Variants in NME9 observed in about 807,000 individuals in gnomAD.
The protein encoded by NME9 is thioredoxin domain-containing protein 6.
Under a neutral mutation model 44.4 loss-of-function variants are expected in NME9, and 48 were observed. The observed-to-expected ratio is 1.08, with a 90% CI of 0.86 to 1.37. NME9 has a LOEUF of 1.37. Among genes scored for constraint, NME9 ranks in the 40% most tolerant of loss-of-function variants. The pLI, the probability that NME9 is intolerant of heterozygous loss-of-function variation, is 0.00. For missense variants in NME9, 325 were observed against 405.2 expected (o/e 0.80, Z 1.70); for synonymous variants, 139 against 147.1 (o/e 0.94, Z 0.40).
chr3:138,296,182 A>G (rs1225697019), downstream of NME9: 4 of 327,130 alleles, frequency 1.2e-5, no homozygotes, highest in Admixed American at 5.0e-5. Flanking sequence ...ATTTTTGCCT[A>G]TGCTGCAGCC....
chr3:138,279,080 T>C (rs1177687401), intron 8 of NME9, among the ~76,000 whole-genome samples: 4 of 152,220 alleles, frequency 2.6e-5, no homozygotes, highest in Non-Finnish European at 5.9e-5. Flanking sequence ...GATGAACATA[T>C]TTGTTTTGTT....
rs897849350 is a variant in NME9, at chr3:138,304,967, T to C, written c.697A>G (p.Thr233Ala). Residue 233 changes from threonine (T) to alanine (A), a missense_variant, in exon 9 of 11, where the codon ACC (threonine) becomes GCC (alanine). By Grantham distance (58) the Thr-to-Ala change is moderately conservative (BLOSUM62 0). Coordinates refer to ENST00000333911, the MANE Select transcript of NME9 (RefSeq NM_001349018.2). ...CSGPSHLLILTRTEGFEDVVT... is the reference protein window; with the variant it reads ...CSGPSHLLILARTEGFEDVVT... ...ACGTCCTCGAAGCCCTCAGTCCTGG[T>C]GAGGATCAGGAGGTGGCTTGGTCCA... 17 of 1,613,982 alleles carry C rather than the reference T, an allele frequency of 1.1e-5. No homozygotes were observed. Among genetic ancestry groups the C allele is most frequent in the African/African-American group, 1.3e-5 (1 of 74,922 alleles).
rs1225069065 is a variant in NME9, at chr3:138,301,651, C to T, written c.982G>A (p.Asp328Asn). ...GCAGCACAGCCATCTCAATCCACAT[C>T]CTCAGGAAAGCAAAGCGCCTCAGTG... ...GPTEALCFPE[D>N]VD Residue 328 changes from aspartate (D) to asparagine (N), a missense_variant, in exon 11 of 11, where the codon GAT becomes AAT. Coordinates refer to ENST00000333911, the MANE Select transcript of NME9 (RefSeq NM_001349018.2). The T allele has an allele frequency of 5.9e-6, 9 of 1,536,142 alleles. No homozygotes were observed. Among genetic ancestry groups the T allele is most frequent in the South Asian group, 3.6e-5 (3 of 84,064 alleles).
At chr3:138,264,412 CTTTTTTTTTTTT>C (rs11298899) in intron 8 of NME9, among the ~76,000 whole-genome samples, 8 of 48,630 alleles carry the variant, frequency 1.6e-4, no homozygotes, top group South Asian at 1.2e-3. Flanking sequence ...GATTTTCTTT[CTTTTTTTTTTTT>C]TTTTTTTTTT....
intron 8 of NME9, among the ~76,000 whole-genome samples, chr3:138,279,791 A>ATG (rs1330871360): frequency 6.6e-6 from 1 of 152,082 alleles, no homozygotes; most frequent in Non-Finnish European, 1.5e-5. Flanking sequence ...GAATTTGTTC[A>ATG]TTTCATCTAA....
chr3:138,279,936 G>T (rs573175866), intron 8 of NME9, among the ~76,000 whole-genome samples: 1 of 151,032 alleles, frequency 6.6e-6, no homozygotes, highest in Non-Finnish European at 1.5e-5. Flanking sequence ...ACAGAGTCTC[G>T]CTGTGTCACC....
Position 138,302,425 on chromosome 3 carries a change from C to T in NME9, c.929-721G>A, listed in dbSNP as rs1395286048. On this transcript the variant is annotated intron_variant, in intron 10 of 10. Coordinates refer to ENST00000333911, the MANE Select transcript of NME9 (RefSeq NM_001349018.2). ...TACAGCCATTTGCTTCCAATCACCACCCCCCATTCCCAAAAGCTTGAAGGT... is the reference window on the plus strand; with the variant it reads ...TACAGCCATTTGCTTCCAATCACCATCCCCCATTCCCAAAAGCTTGAAGGT... 2.6e-5 allele frequency among the ~76,000 whole-genome samples: 4 copies of T among 152,142 alleles called. No homozygotes were observed. The East Asian group carries it at 7.7e-4, about 29-fold the overall frequency.
intron 8 of NME9, chr3:138,287,483 T>A (rs1462230079): frequency 5.5e-6 from 2 of 363,418 alleles, no homozygotes; most frequent in Non-Finnish European, 1.1e-5. Context: ...TCATAGTAAT[T>A]TGTGTCCTTA....
downstream of NME9, chr3:138,296,228 A>C (rs955585521): frequency 4.2e-5 from 10 of 237,166 alleles, no homozygotes; most frequent in Admixed American, 1.7e-4. Flanking sequence ...CTGTGTGAAC[A>C]CACAGGCATG....
Position 138,273,499 on chromosome 3 carries a change from C to G in NME9, c.746-10913G>C, listed in dbSNP as rs540329113. 3.9e-5 allele frequency among the ~76,000 whole-genome samples: 6 copies of G among 152,306 alleles called. No homozygotes were observed. The South Asian group carries it at 1.2e-3, about 32-fold the overall frequency. The stretch of plus-strand genomic sequence containing the variant: ...TGCTTCTTTCCCTTTAGAGAATTCT[C>G]AGAGCCATTCCATAGACCATCTCCC... On this transcript the variant is annotated intron_variant, in intron 8 of 8. Transcript: ENST00000317876.
rs762048275 is a variant in NME9 at position 138,329,397 on chromosome 3, C to G, written c.-62G>C. On this transcript the variant is annotated 5_prime_UTR_variant, in exon 1 of 11. Coordinates refer to ENST00000333911, the MANE Select transcript of NME9 (RefSeq NM_001349018.2). Reference sequence around the variant, plus strand: ...CGTGGGCCGTTCCCCCGCAGCCTCGCGACAAACCGCTGCGTGGATCAGCAA... The same window carrying G: ...CGTGGGCCGTTCCCCCGCAGCCTCGGGACAAACCGCTGCGTGGATCAGCAA... 239 of 1,535,172 alleles carry G rather than the reference C, an allele frequency of 1.6e-4. No individual in the cohort carries two copies. The highest frequency in any genetic ancestry group is 3.3e-4 in the Admixed American group (17 of 50,892).
At position 138,324,894 on chromosome 3, in the gene NME9, G is replaced by A; in HGVS notation, c.70C>T (p.Leu24Phe). Residue 24 changes from leucine (L) to phenylalanine (F), a missense_variant, in exon 2 of 11, where the codon CTC becomes TTC. Leu to Phe is a conservative substitution (Grantham distance 22). Transcript: ENST00000333911. ...TTACCAGTTAGTCCTTTGGAACTGA[G>A]CATTTCCTCCCAAAGCTCTTGGGTG... ...ISTQELWEEM[L>F]SSKGLTVVDV... 1 of 1,613,550 alleles carries A rather than the reference G, an allele frequency of 6.2e-7. No individual in the cohort carries two copies. The highest frequency in any genetic ancestry group is 1.3e-5 in the African/African-American group (1 of 75,026).
chr3:138,277,063 G>C (rs1443212032), intron 8 of NME9, among the ~76,000 whole-genome samples: 5 of 152,092 alleles, frequency 3.3e-5, no homozygotes, highest in African/African-American at 1.2e-4. Flanking sequence ...TATGGTCTTA[G>C]CAAAAAAAGA....
rs569787242 is a variant in NME9, at chr3:138,307,700, A to AT, written c.461-1221_461-1220insA. On this transcript the variant is annotated intron_variant, in intron 6 of 10. Coordinates refer to ENST00000333911, the MANE Select transcript of NME9 (RefSeq NM_001349018.2). ...GAGGAAGAAGAAAAGAGACCAAAGC[A>AT]GGGGCCTGGGGTGCTCCAGGTTAAA... Among the ~76,000 whole-genome samples the AT allele has an allele frequency of 9.2e-4, 140 of 152,316 alleles. 1 individual carries two copies. The highest frequency in any genetic ancestry group is 2.9e-3 in the African/African-American group (121 of 41,580).
intron 8 of NME9, among the ~76,000 whole-genome samples, chr3:138,287,453 C>T: frequency 6.6e-6 from 1 of 152,114 alleles, no homozygotes; most frequent in South Asian, 2.1e-4. Context: ...CACCCCTCCA[C>T]CCTCCAATTT....
At chr3:138,298,224 A>G (rs533234238), downstream of NME9, 4 of 152,306 alleles carry the variant, frequency 2.6e-5, no homozygotes, top group East Asian at 7.7e-4. Flanking sequence ...CCTGATTGTA[A>G]TCCAAAATTT....
At chr3:138,300,935 T>G (rs997182871), downstream of NME9, 1 of 370,498 alleles carries the variant, frequency 2.7e-6, no homozygotes, top group Non-Finnish European at 3.7e-6. Flanking sequence ...TGCCTGGAAG[T>G]GTCATAGTCA....
At chr3:138,326,769 G>A (rs1018390039) in intron 1 of NME9, among the ~76,000 whole-genome samples, 1 of 151,976 alleles carries the variant, frequency 6.6e-6, no homozygotes, top group African/African-American at 2.4e-5. Flanking sequence ...GCTAAGGTCT[G>A]TGTCCCTCTA....
At chr3:138,263,376 AC>A (rs756600437) in intron 8 of NME9, 1 of 222,410 alleles carries the variant, frequency 4.5e-6, no homozygotes, top group Non-Finnish European at 9.0e-6. Context: ...TTTCTTTAGA[AC>A]CTCACTCTGG....
Sources: allele counts gnomAD v4.1 joint callset (sites outside exome capture counted in the v4.1 genomes callset), GRCh38; gene constraint gnomAD v4.1.1; transcripts MANE v1.5; gene names NCBI Gene and HGNC (gene_info 2026-07-23, HGNC 2026-07-21).